UBE2H: variants seen among roughly 807,000 people sequenced by gnomAD.
The protein encoded by UBE2H is ubiquitin conjugating enzyme E2 H.
UBE2H carries 3 observed loss-of-function variants against 29.0 expected under a neutral mutation model. The ratio of observed to expected loss-of-function variants is 0.10; its 90% CI spans 0.05 to 0.27. The LOEUF is 0.27. UBE2H is among the 10% of genes least tolerant of loss of function. The probability of loss-of-function intolerance (pLI) is 1.00; values close to 1 mark genes in which losing one functional copy is unlikely to be tolerated. For synonymous variants in UBE2H, 69 were observed against 82.9 expected (o/e 0.83, Z 0.91); for missense variants, 68 against 228.2 (o/e 0.30, Z 4.52).
chr7:129,839,122 A>T, intron 6 of UBE2H, 85 bp downstream of exon 6: 5 of 1,549,260 alleles, frequency 3.2e-6, no homozygotes, highest in Non-Finnish European at 4.3e-6. Context: ...ATTAGGAACT[A>T]AGTAATTTAA....
intron 1 of UBE2H, among the ~76,000 whole-genome samples, chr7:129,887,614 A>G (rs923523083): frequency 1.3e-5 from 2 of 152,168 alleles, no homozygotes; most frequent in Admixed American, 6.5e-5. Flanking sequence ...TTTGAAGAAG[A>G]CAAAAAATAG....
At chr7:129,942,641 T>C (rs1807671131) in intron 1 of UBE2H, among the ~76,000 whole-genome samples, 1 of 152,092 alleles carries the variant, frequency 6.6e-6, no homozygotes, top group African/African-American at 2.4e-5. Flanking sequence ...TTCAACAGAG[T>C]GCTCCAGAAA....
Position 129,952,658 on chromosome 7 carries a change from C to CA in UBE2H, c.-104dup. 7.1e-7 allele frequency: 1 copy of CA among 1,413,778 alleles called. No individual in the cohort carries two copies. Among genetic ancestry groups the CA allele is most frequent in the Non-Finnish European group, 9.5e-7 (1 of 1,055,336 alleles). The allele number at this position is 1,413,778 out of a possible 1,614,324, so 87.6% of individuals were successfully genotyped here. A position where few individuals can be genotyped will look rare whatever the true frequency, so the allele number is the denominator to read the frequency against. On this transcript the variant is annotated 5_prime_UTR_variant, in exon 1 of 7. Transcript: ENST00000355621. ...CGCGCCGGCTCCTCGGTGGAGGTGG[C>CA]AACACCCCCGCGGTCCCGGCGGTCC...
chr7:129,890,094 C>T (rs770541576), intron 1 of UBE2H, among the ~76,000 whole-genome samples: 25 of 152,100 alleles, frequency 1.6e-4, no homozygotes, highest in Middle Eastern at 3.4e-3. Flanking sequence ...GATGACACTA[C>T]TGAACTCCAG....
At chr7:129,850,004 A>C (rs886297472) in intron 5 of UBE2H, among the ~76,000 whole-genome samples, 3 of 152,202 alleles carry the variant, frequency 2.0e-5, no homozygotes, top group African/African-American at 7.2e-5. Context: ...AAACAGAAAC[A>C]GGTGAAAACA....
intron 1 of UBE2H, among the ~76,000 whole-genome samples, chr7:129,946,862 T>C (rs1294135645): frequency 6.6e-6 from 1 of 152,246 alleles, no homozygotes; most frequent in Non-Finnish European, 1.5e-5. Flanking sequence ...GTACACTCTG[T>C]AGGTCTACAG....
chr7:129,836,838 C>CCACTG (rs1210579269), intron 6 of UBE2H, among the ~76,000 whole-genome samples: 1 of 137,644 alleles, frequency 7.3e-6, no homozygotes, highest in Middle Eastern at 4.1e-3. Context: ...CGAGATCGCA[C>CCACTG]CACTGCACTC....
At chr7:129,894,593 T>C (rs1195086816) in intron 1 of UBE2H, among the ~76,000 whole-genome samples, 1 of 151,268 alleles carries the variant, frequency 6.6e-6, no homozygotes, top group East Asian at 2.0e-4. Flanking sequence ...GTTCAAGTGA[T>C]TCTCCTGCCT....
At chr7:129,876,992 G>A (rs1806156816) in intron 3 of UBE2H, among the ~76,000 whole-genome samples, 1 of 152,112 alleles carries the variant, frequency 6.6e-6, no homozygotes, top group South Asian at 2.1e-4. Flanking sequence ...AGAGAGAAAT[G>A]TCTTAAAGAG....
chr7:129,874,739 C>A (rs570102166), intron 3 of UBE2H, among the ~76,000 whole-genome samples: 18 of 151,216 alleles, frequency 1.2e-4, no homozygotes, highest in African/African-American at 4.4e-4. Flanking sequence ...AATGCAACAA[C>A]GGAAGGGGGA....
At position 129,890,462 on chromosome 7, in the gene UBE2H, C is replaced by A. The variant is rs544494530; in HGVS notation, c.54-9491G>T. ...TGGTGTGGTCTCGGCTCCCTACAACCTCCGCCTCCCAGGTTGAAGCGATTC... is the reference window on the plus strand; with the variant it reads ...TGGTGTGGTCTCGGCTCCCTACAACATCCGCCTCCCAGGTTGAAGCGATTC... On this transcript the variant is annotated intron_variant, in intron 1 of 6. Transcript: ENST00000355621. 8.6e-5 allele frequency among the ~76,000 whole-genome samples: 13 copies of A among 151,880 alleles called. No individual in the cohort carries two copies. In the South Asian group the frequency reaches 1.0e-3, roughly 12 times the overall value.
intron 5 of UBE2H, among the ~76,000 whole-genome samples, chr7:129,842,090 G>A (rs543453526): frequency 6.6e-6 from 1 of 152,242 alleles, no homozygotes; most frequent in Admixed American, 6.5e-5. Context: ...CTACCTCAAG[G>A]CAATAGATGT....
chr7:129,911,803 C>T (rs1415162229), intron 1 of UBE2H, among the ~76,000 whole-genome samples: 1 of 151,946 alleles, frequency 6.6e-6, no homozygotes, highest in East Asian at 1.9e-4. Flanking sequence ...CCATGCCTGG[C>T]TAATTCTTAA....
Position 129,835,059 on chromosome 7 carries a change from A to G in UBE2H, c.430T>C (p.Tyr144His). 1 of 1,613,890 alleles carries G rather than the reference A, an allele frequency of 6.2e-7. No individual in the cohort carries two copies. Among genetic ancestry groups the G allele is most frequent in the Non-Finnish European group, 8.5e-7 (1 of 1,179,998 alleles). Residue 144 changes from tyrosine to histidine, a missense_variant and splice_region_variant, in exon 7 of 7, where the codon TAC becomes CAC. This residue lies in a region of UBE2H where 25 missense variants were observed against 32.4 expected (regional missense o/e 0.77). Transcript: ENST00000355621. ...TCCTCCGTGGCGTATTTCTGGATGT[A>G]CTCTGCACGGGGTGGGAGAAAGACA... ...PEEYKQKIKEYIQKYATEEAL... is the reference protein window; with the variant it reads ...PEEYKQKIKEHIQKYATEEAL...
At chr7:129,871,275 T>A (rs1312313750) in intron 3 of UBE2H, among the ~76,000 whole-genome samples, 2 of 152,214 alleles carry the variant, frequency 1.3e-5, no homozygotes, top group Admixed American at 6.5e-5. Context: ...CTGCCAGACA[T>A]AATTTTTGAA....
chr7:129,924,078 A>C (rs1273391242), intron 1 of UBE2H, among the ~76,000 whole-genome samples: 1 of 152,208 alleles, frequency 6.6e-6, no homozygotes, highest in African/African-American at 2.4e-5. Context: ...CATTTTAATA[A>C]TTATACCTTC....
At chr7:129,889,003 G>A (rs1280105039) in intron 1 of UBE2H, among the ~76,000 whole-genome samples, 1 of 152,144 alleles carries the variant, frequency 6.6e-6, no homozygotes, top group African/African-American at 2.4e-5. Flanking sequence ...ATGTCGAGGT[G>A]GGAGAAGGAA....
chr7:129,853,528 G>T (rs901967948), intron 5 of UBE2H, among the ~76,000 whole-genome samples: 2 of 152,178 alleles, frequency 1.3e-5, no homozygotes, highest in Non-Finnish European at 2.9e-5. Context: ...ACTTCATACT[G>T]ATGGCAAGCA....
At chr7:129,883,822 A>G (rs1806302950) in intron 1 of UBE2H, among the ~76,000 whole-genome samples, 1 of 152,242 alleles carries the variant, frequency 6.6e-6, no homozygotes, top group South Asian at 2.1e-4. Flanking sequence ...AGCCTGGGCA[A>G]CAGAGTGAGA....
Sources: gnomAD v4.1 joint callset for allele counts (sites outside exome capture counted in the v4.1 genomes callset) on GRCh38, gnomAD v4.1.1 for gene constraint, gnomAD v4.1.1 regional missense constraint, MANE v1.5 for transcripts, NCBI Gene and HGNC (gene_info 2026-07-23, HGNC 2026-07-21) for gene names.